NRXN3: variants seen among roughly 807,000 people sequenced by gnomAD.
The protein encoded by NRXN3 is neurexin III.
In NRXN3, 32 loss-of-function variants were observed where a neutral mutation model predicts 137.6. The observed-to-expected ratio is 0.23, with a 90% CI of 0.18 to 0.31. The LOEUF (loss-of-function observed/expected upper bound fraction) is 0.31. Among genes scored for constraint, NRXN3 ranks in the 10% least tolerant of loss-of-function variants. The pLI, the probability that NRXN3 is intolerant of heterozygous loss-of-function variation, is 1.00. For missense variants in NRXN3, 1,574 were observed against 2,062.5 expected (o/e 0.76, Z 4.59); for synonymous variants, 798 against 784.5 (o/e 1.02, Z -0.29).
chr14:78,358,887 C>G (rs573299952), intron 4 of NRXN3, among the ~76,000 whole-genome samples: 25 of 152,226 alleles, frequency 1.6e-4, no homozygotes, highest in African/African-American at 5.8e-4. Context: ...CTGGTAGAGC[C>G]AAGAAAATTC....
chr14:79,383,410 A>G (rs1352593572), intron 15 of NRXN3, among the ~76,000 whole-genome samples: 3 of 152,164 alleles, frequency 2.0e-5, no homozygotes, highest in Admixed American at 6.6e-5. Context: ...CTATGAATCC[A>G]TCATGTGTCC....
chr14:79,578,933 A>G (rs1317549805), intron 16 of NRXN3, among the ~76,000 whole-genome samples: 1 of 152,028 alleles, frequency 6.6e-6, no homozygotes, highest in Non-Finnish European at 1.5e-5. Flanking sequence ...CTCTCCCTCT[A>G]CTTTCTTCCT....
chr14:79,336,676 G>A (rs1004336205), intron 15 of NRXN3, among the ~76,000 whole-genome samples: 1 of 152,140 alleles, frequency 6.6e-6, no homozygotes, highest in Non-Finnish European at 1.5e-5. Flanking sequence ...CATGTGTTAT[G>A]TTATAAAAAG....
chr14:78,925,775 A>G (rs1423213692), intron 10 of NRXN3, among the ~76,000 whole-genome samples: 2 of 152,176 alleles, frequency 1.3e-5, no homozygotes, highest in Non-Finnish European at 2.9e-5. Context: ...AAAACCCGCC[A>G]AGGAGGGCAG....
intron 19 of NRXN3, among the ~76,000 whole-genome samples, chr14:79,776,084 A>G (rs538032022): frequency 6.6e-6 from 1 of 152,306 alleles, no homozygotes; most frequent in African/African-American, 2.4e-5. Context: ...TATGGCAGAC[A>G]AACGTTGGCA....
At chr14:78,173,930 C>G (rs899874305) in intron 1 of NRXN3, among the ~76,000 whole-genome samples, 4 of 151,912 alleles carry the variant, frequency 2.6e-5, no homozygotes, top group Non-Finnish European at 5.9e-5. Context: ...CACCATGGCT[C>G]CTTCCCCCCA....
intron 4 of NRXN3, among the ~76,000 whole-genome samples, chr14:78,347,767 G>A (rs2082945650): frequency 6.6e-6 from 1 of 152,146 alleles, no homozygotes; most frequent in African/African-American, 2.4e-5. Context: ...TGTATTTTGA[G>A]AGCTGCTGCA....
intron 16 of NRXN3, among the ~76,000 whole-genome samples, chr14:79,663,559 T>A (rs1431022357): frequency 2.0e-5 from 3 of 152,102 alleles, no homozygotes; most frequent in African/African-American, 7.2e-5. Flanking sequence ...ACCTGTGCGG[T>A]GCAGCCTGTG....
intron 4 of NRXN3, among the ~76,000 whole-genome samples, chr14:78,314,942 T>TCTTTCTTTCTTTCTTCCTTC (rs1491333798): frequency 2.0e-4 from 12 of 60,646 alleles, no homozygotes; most frequent in South Asian, 1.4e-3. Flanking sequence ...TTTCTTTCTT[T>TCTTTCTTTCTTTCTTCCTTC]CTTCCTTCCT....
At chr14:79,808,278 ATGTATG>A (rs1568322632) in intron 20 of NRXN3, among the ~76,000 whole-genome samples, 83 of 145,044 alleles carry the variant, frequency 5.7e-4, no homozygotes, top group Middle Eastern at 3.5e-3. Flanking sequence ...ATATATATGT[ATGTATG>A]TATGTATGTA....
chr14:79,050,089 T>G (rs560093945), intron 15 of NRXN3, among the ~76,000 whole-genome samples: 1 of 152,302 alleles, frequency 6.6e-6, no homozygotes, highest in South Asian at 2.1e-4. Flanking sequence ...CCTTCTGCTA[T>G]GATTAGATTA....
At chr14:79,714,662 A>G (rs961472247) in intron 19 of NRXN3, among the ~76,000 whole-genome samples, 4 of 152,186 alleles carry the variant, frequency 2.6e-5, no homozygotes, top group African/African-American at 9.7e-5. Context: ...AAATTACATA[A>G]AACAATGCCA....
chr14:79,227,141 AT>A (rs2071068902), intron 15 of NRXN3, among the ~76,000 whole-genome samples: 1 of 142,820 alleles, frequency 7.0e-6, no homozygotes, highest in East Asian at 2.2e-4. Flanking sequence ...AAATGAAAAA[AT>A]ATATATATAT....
chr14:79,023,409 A>G (rs2099593001), intron 15 of NRXN3, among the ~76,000 whole-genome samples: 1 of 152,020 alleles, frequency 6.6e-6, no homozygotes, highest in African/African-American at 2.4e-5. Context: ...AAATATTAGC[A>G]CTTTCTGAAA....
At chr14:79,168,389 G>A (rs908177573) in intron 15 of NRXN3, among the ~76,000 whole-genome samples, 6 of 151,890 alleles carry the variant, frequency 4.0e-5, no homozygotes, top group African/African-American at 1.5e-4. Context: ...AAAATAGATA[G>A]TATAGGGGAA....
Position 78,967,220 on chromosome 14 carries a change from C to T in NRXN3, c.2790C>T (p.Tyr930=), listed in dbSNP as rs750389640. ...TTTTTCTTCCTAGGTATATACACTACGTTTTTGACCTCGGAAACGGTCCCA... is the reference window on the plus strand; with the variant it reads ...TTTTTCTTCCTAGGTATATACACTATGTTTTTGACCTCGGAAACGGTCCCA... ...AVELVKGYIH[Y]VFDLGNGPNV... is the part of the protein sequence containing the mutation. Residue 930 remains tyrosine (Y), a synonymous_variant, in exon 13 of 21, where the codon TAC becomes TAT. Transcript: ENST00000335750. 36 of 1,605,154 alleles carry T rather than the reference C, an allele frequency of 2.2e-5. No individual in the cohort carries two copies. Among genetic ancestry groups the T allele is most frequent in the Admixed American group, 6.7e-5 (4 of 59,286 alleles).
intron 15 of NRXN3, among the ~76,000 whole-genome samples, chr14:78,998,403 T>G (rs1234896750): frequency 6.6e-6 from 1 of 152,176 alleles, no homozygotes; most frequent in African/African-American, 2.4e-5. Flanking sequence ...GTATGTAATA[T>G]TCTACAACTG....
At chr14:78,898,144 C>G (rs994898942) in intron 10 of NRXN3, among the ~76,000 whole-genome samples, 2 of 151,752 alleles carry the variant, frequency 1.3e-5, no homozygotes, top group Non-Finnish European at 2.9e-5. Context: ...GGAATAATCA[C>G]AGGATTTCTA....
intron 15 of NRXN3, among the ~76,000 whole-genome samples, chr14:79,275,082 A>C (rs2080078012): frequency 6.6e-6 from 1 of 152,204 alleles, no homozygotes; most frequent in South Asian, 2.1e-4. Flanking sequence ...AGAAGGATGA[A>C]TTATGTGGCT....
Sources: gnomAD v4.1 joint callset for allele counts (sites outside exome capture counted in the v4.1 genomes callset) on GRCh38, gnomAD v4.1.1 for gene constraint, MANE v1.5 for transcripts, NCBI Gene and HGNC (gene_info 2026-07-23, HGNC 2026-07-21) for gene names.